The following CFAP221 variants were observed in gnomAD, a reference collection of about 807,000 sequenced individuals.
CFAP221 encodes cilia and flagella associated protein 221.
In CFAP221, 97 loss-of-function variants were observed where a neutral mutation model predicts 113.1. The ratio of observed to expected loss-of-function variants is 0.86; its 90% CI spans 0.73 to 1.02. The LOEUF is 1.02. Among genes scored for constraint, CFAP221 ranks in the 50% least tolerant of loss-of-function variants. CFAP221 has a pLI of 0.00. For missense variants in CFAP221, 1,025 were observed against 1,013.4 expected (o/e 1.01, Z -0.16); for synonymous variants, 331 against 354.4 (o/e 0.93, Z 0.74).
chr2:119,586,953 A>G, intron 6 of CFAP221, 166 bp from the exon 7 acceptor site: 1 of 495,128 alleles, frequency 2.0e-6, no homozygotes, highest in Non-Finnish European at 3.5e-6. Flanking sequence ...AAAATAGTTA[A>G]TACATGGGAA....
chr2:119,632,419 G>A (rs1686833827), intron 19 of CFAP221, among the ~76,000 whole-genome samples: 2 of 152,182 alleles, frequency 1.3e-5, no homozygotes, highest in Admixed American at 1.3e-4. Context: ...AATAGTAACA[G>A]AAAAATTATC....
chr2:119,594,947 G>A (rs1356634660), intron 7 of CFAP221, among the ~76,000 whole-genome samples: 1 of 152,244 alleles, frequency 6.6e-6, no homozygotes, highest in African/African-American at 2.4e-5. Flanking sequence ...CACAGTCTGT[G>A]TATTCAAGCC....
intron 23 of CFAP221, among the ~76,000 whole-genome samples, chr2:119,653,763 G>T (rs964119550): frequency 2.2e-4 from 33 of 152,148 alleles, no homozygotes; most frequent in African/African-American, 6.8e-4. Context: ...ACTGGTAGAG[G>T]TTAGAGCTGC....
intron 6 of CFAP221, among the ~76,000 whole-genome samples, chr2:119,582,986 A>G (rs529513916): frequency 6.6e-6 from 1 of 152,292 alleles, no homozygotes; most frequent in East Asian, 1.9e-4. Flanking sequence ...AAAACCTATT[A>G]AACTCACCTA....
At chr2:119,547,295 C>A (rs1680116464) in intron 2 of CFAP221, among the ~76,000 whole-genome samples, 1 of 152,170 alleles carries the variant, frequency 6.6e-6, no homozygotes, top group Admixed American at 6.5e-5. Context: ...TGCGGTGGCT[C>A]ACTCCTATAA....
chr2:119,656,338 C>T (rs767913399), intron 23 of CFAP221, 24 bp from the exon 24 acceptor site: 53 of 1,600,448 alleles, frequency 3.3e-5, no homozygotes, highest in Non-Finnish European at 7.7e-6. Context: ...CTCATGTTTC[C>T]TTCTTGGGTT....
chr2:119,550,014 A>G (rs527943523), intron 3 of CFAP221, among the ~76,000 whole-genome samples: 13 of 152,298 alleles, frequency 8.5e-5, no homozygotes, highest in African/African-American at 2.9e-4. Flanking sequence ...TGACTTCACC[A>G]TGATCCCCTA....
Position 119,646,400 on chromosome 2 carries a change from A to AGGGGAAGC in CFAP221, c.2226-557_2226-550dup, listed in dbSNP as rs531182105. On this transcript the variant is annotated intron_variant, in intron 21 of 23. Transcript: ENST00000413369. ...GACTTACAATCATGGCGGAAGGCAAAGGGGAAGCCAGCACCTCACATGGCC... is the reference window on the plus strand; with the variant it reads ...GACTTACAATCATGGCGGAAGGCAAAGGGGAAGCGGGGAAGCCAGCACCTCACATGGCC... Among the ~76,000 whole-genome samples, 395 of 152,260 alleles carry AGGGGAAGC rather than the reference A, an allele frequency of 2.6e-3. 2 individuals are homozygous for AGGGGAAGC. The highest frequency in any genetic ancestry group is 9.1e-3 in the African/African-American group (379 of 41,554).
intron 3 of CFAP221, among the ~76,000 whole-genome samples, chr2:119,557,766 C>T (rs907900983): frequency 2.0e-5 from 3 of 151,984 alleles, no homozygotes; most frequent in Admixed American, 6.6e-5. Flanking sequence ...TTTGGGAGTC[C>T]GAGGTGGGTG....
intron 3 of CFAP221, among the ~76,000 whole-genome samples, chr2:119,557,850 A>G (rs1221015474): frequency 6.6e-6 from 1 of 151,948 alleles, no homozygotes; most frequent in Non-Finnish European, 1.5e-5. Context: ...TAAAAATACA[A>G]AAGTTAGCTG....
At chr2:119,555,703 T>C (rs1680745653) in intron 3 of CFAP221, among the ~76,000 whole-genome samples, 1 of 152,190 alleles carries the variant, frequency 6.6e-6, no homozygotes, top group Admixed American at 6.5e-5. Context: ...GAAAGAGCCC[T>C]AGCCCAGAGC....
At chr2:119,560,618 C>G (rs1224144272) in intron 5 of CFAP221, among the ~76,000 whole-genome samples, 1 of 152,024 alleles carries the variant, frequency 6.6e-6, no homozygotes, top group Non-Finnish European at 1.5e-5. Context: ...TAGTCCAGAC[C>G]CCAGTCTTCA....
intron 14 of CFAP221, among the ~76,000 whole-genome samples, chr2:119,618,776 C>T (rs1685693309): frequency 6.6e-6 from 1 of 152,134 alleles, no homozygotes; most frequent in Non-Finnish European, 1.5e-5. Flanking sequence ...AGCCAGGGAG[C>T]CAAGTCATCT....
chr2:119,598,956 C>T (rs1033264414), intron 7 of CFAP221, among the ~76,000 whole-genome samples: 2 of 152,044 alleles, frequency 1.3e-5, no homozygotes, highest in African/African-American at 2.4e-5. Flanking sequence ...TTTAGAGCCC[C>T]GGGTCAATTT....
intron 22 of CFAP221, among the ~76,000 whole-genome samples, chr2:119,647,665 A>G (rs1687892729): frequency 6.6e-6 from 1 of 152,132 alleles, no homozygotes; most frequent in South Asian, 2.1e-4. Flanking sequence ...CCCATTTGCA[A>G]ATGCCTCTAG....
At chr2:119,624,798 C>T (rs910291396) in intron 14 of CFAP221, among the ~76,000 whole-genome samples, 2 of 152,098 alleles carry the variant, frequency 1.3e-5, no homozygotes, top group African/African-American at 2.4e-5. Flanking sequence ...CATGTTCTCC[C>T]TCATAAGTGG....
At chr2:119,586,504 T>C (rs892650109) in intron 6 of CFAP221, among the ~76,000 whole-genome samples, 3 of 152,232 alleles carry the variant, frequency 2.0e-5, no homozygotes, top group African/African-American at 7.2e-5. Flanking sequence ...AGACCATTTC[T>C]GAATACATAG....
At position 119,615,654 on chromosome 2, in the gene CFAP221, A is replaced by T; in HGVS notation, c.1355A>T (p.Asn452Ile). ...FHPTFDPLIN[N>I]TWLSRSRAQK... ...CCTACTTTTGATCCACTCATTAATA[A>T]CACTTGGCTCAGCAGGTCCAGGGCA... Residue 452 changes from asparagine (N) to isoleucine (I), a missense_variant, in exon 14 of 24, where the codon AAC (asparagine) becomes ATC (isoleucine). Physicochemically the swap from Asn to Ile is moderately radical, Grantham distance 149. Coordinates refer to ENST00000413369, the MANE Select transcript of CFAP221 (RefSeq NM_001271049.2). 2 of 1,613,172 alleles carry T rather than the reference A, an allele frequency of 1.2e-6. No homozygotes were observed. Among genetic ancestry groups the T allele is most frequent in the Non-Finnish European group, 1.7e-6 (2 of 1,179,596 alleles).
chr2:119,623,709 T>C (rs1405296489), intron 14 of CFAP221, among the ~76,000 whole-genome samples: 1 of 152,104 alleles, frequency 6.6e-6, no homozygotes, highest in Non-Finnish European at 1.5e-5. Context: ...TCAGAAATTA[T>C]GCCACACATC....
Sources: gnomAD v4.1 joint callset for allele counts (sites outside exome capture counted in the v4.1 genomes callset) on GRCh38, gnomAD v4.1.1 for gene constraint, MANE v1.5 for transcripts, NCBI Gene and HGNC (gene_info 2026-07-23, HGNC 2026-07-21) for gene names.